Variants in CDC42SE2 observed in about 807,000 individuals in gnomAD.
The protein encoded by CDC42SE2 is CDC42 small effector protein 2.
In CDC42SE2, 3 loss-of-function variants were observed where a neutral mutation model predicts 11.5. That is an observed-to-expected ratio of 0.26 (90% CI 0.12 to 0.67). CDC42SE2 has a LOEUF of 0.67. CDC42SE2 is among the 30% of genes least tolerant of loss of function. The pLI, the probability that CDC42SE2 is intolerant of heterozygous loss-of-function variation, is 0.80. For synonymous variants in CDC42SE2, 33 were observed against 34.8 expected (o/e 0.95, Z 0.18); for missense variants, 82 against 106.8 (o/e 0.77, Z 1.02).
intron 2 of CDC42SE2, among the ~76,000 whole-genome samples, chr5:131,348,964 C>T (rs1271667879): frequency 6.6e-6 from 1 of 152,124 alleles, no homozygotes; most frequent in Non-Finnish European, 1.5e-5. Flanking sequence ...TGGATCCCTT[C>T]CCTACACCCT....
At chr5:131,283,320 G>A (rs998245089) in intron 1 of CDC42SE2, among the ~76,000 whole-genome samples, 2 of 152,034 alleles carry the variant, frequency 1.3e-5, no homozygotes, top group African/African-American at 4.8e-5. Context: ...AGTCATTTCT[G>A]TTCTTCCCTC....
chr5:131,349,857 ATAC>A (rs1299042976), intron 2 of CDC42SE2, among the ~76,000 whole-genome samples: 15 of 152,232 alleles, frequency 9.9e-5, no homozygotes, highest in Non-Finnish European at 1.6e-4. Flanking sequence ...AAAATTTAAT[ATAC>A]TATTATTCTA....
At chr5:131,295,343 C>T (rs997152316) in intron 1 of CDC42SE2, among the ~76,000 whole-genome samples, 4 of 151,784 alleles carry the variant, frequency 2.6e-5, no homozygotes, top group Non-Finnish European at 5.9e-5. Flanking sequence ...ATTACAGCAT[C>T]ATCGTGATAA....
chr5:131,363,915 G>A (rs1475620878), intron 3 of CDC42SE2, among the ~76,000 whole-genome samples: 2 of 151,662 alleles, frequency 1.3e-5, no homozygotes, highest in Admixed American at 6.6e-5. Context: ...GGCAGATGTC[G>A]AACTCCTGAC....
At chr5:131,328,956 G>A (rs1693209650) in intron 2 of CDC42SE2, among the ~76,000 whole-genome samples, 1 of 152,204 alleles carries the variant, frequency 6.6e-6, no homozygotes, top group Non-Finnish European at 1.5e-5. Context: ...CTGGAAAGAG[G>A]TTATCTCCTT....
chr5:131,322,854 C>T lies in CDC42SE2; in HGVS notation c.-286+6710C>T, dbSNP rs182698048. 8.1e-4 allele frequency among the ~76,000 whole-genome samples: 124 copies of T among 152,250 alleles called. 1 individual carries two copies. The highest frequency in any genetic ancestry group is 8.0e-3 in the Admixed American group (122 of 15,284). ...TTTCTGTTTTTAATATTTTGGGGAC[C>T]TGTCATAATGTGTTCTCTATAGCAG... On this transcript the variant is annotated intron_variant, in intron 2 of 4. Transcript: ENST00000505065.
intron 1 of CDC42SE2, among the ~76,000 whole-genome samples, chr5:131,266,609 G>A (rs1451049093): frequency 2.0e-5 from 3 of 151,738 alleles, no homozygotes; most frequent in Non-Finnish European, 4.4e-5. Context: ...ACAGACATGC[G>A]CCACTATGCC....
At chr5:131,255,696 G>T (rs1287576737) in intron 2 of CDC42SE2, 14 of 152,152 alleles carry the variant, frequency 9.2e-5, no homozygotes, top group South Asian at 2.1e-4. Context: ...GGAGGCAGAG[G>T]CTGCAGTGAG....
intron 2 of CDC42SE2, among the ~76,000 whole-genome samples, chr5:131,350,877 T>C (rs1449897020): frequency 6.6e-6 from 1 of 152,128 alleles, no homozygotes; most frequent in East Asian, 1.9e-4. Context: ...TGGCATTGGA[T>C]TGACAAATAG....
At chr5:131,268,968 C>G (rs1561566245) in intron 1 of CDC42SE2, among the ~76,000 whole-genome samples, 1 of 152,028 alleles carries the variant, frequency 6.6e-6, no homozygotes, top group Non-Finnish European at 1.5e-5. Flanking sequence ...CCAGGATGGT[C>G]TCGATCGCTT....
At chr5:131,320,434 C>A (rs553137946) in intron 2 of CDC42SE2, among the ~76,000 whole-genome samples, 5 of 146,254 alleles carry the variant, frequency 3.4e-5, no homozygotes, top group Non-Finnish European at 7.5e-5. Context: ...AGAATTAGTT[C>A]TTCTAGATAT....
intron 3 of CDC42SE2, among the ~76,000 whole-genome samples, chr5:131,369,387 G>GT (rs1350810000): frequency 6.6e-6 from 1 of 152,132 alleles, no homozygotes; most frequent in Non-Finnish European, 1.5e-5. Context: ...GTGCATTTGT[G>GT]TATGTGTAGC....
At chr5:131,286,187 G>A (rs906877777) in intron 1 of CDC42SE2, among the ~76,000 whole-genome samples, 9 of 150,668 alleles carry the variant, frequency 6.0e-5, no homozygotes, top group South Asian at 2.1e-4. Flanking sequence ...AGTCCTCCCC[G>A]GCTCAAGAGG....
the CDC42SE2 span, among the ~76,000 whole-genome samples, chr5:131,236,280 C>T: frequency 4.6e-5 from 7 of 152,012 alleles, no homozygotes; most frequent in Non-Finnish European, 8.8e-5. Context: ...TTAGAAGGGC[C>T]TTCATCACTT....
At chr5:131,348,877 C>G (rs963982177) in intron 2 of CDC42SE2, among the ~76,000 whole-genome samples, 9 of 152,104 alleles carry the variant, frequency 5.9e-5, no homozygotes, top group Non-Finnish European at 7.4e-5. Context: ...CTGACAAAAA[C>G]AAGAAATGGG....
chr5:131,221,171 G>C, the CDC42SE2 span, among the ~76,000 whole-genome samples: 3 of 152,048 alleles, frequency 2.0e-5, no homozygotes, highest in African/African-American at 7.2e-5. Context: ...CAGACGCCCA[G>C]CCTCACCAGA....
At chr5:131,321,148 A>C (rs1156673697) in intron 2 of CDC42SE2, among the ~76,000 whole-genome samples, 2 of 152,216 alleles carry the variant, frequency 1.3e-5, no homozygotes, top group African/African-American at 4.8e-5. Context: ...GCTCTTTAAT[A>C]CATCAGTTTC....
the CDC42SE2 span, among the ~76,000 whole-genome samples, chr5:131,210,645 T>G: frequency 0.017 from 2,588 of 152,354 alleles, 35 homozygotes; most frequent in Non-Finnish European, 0.027. Flanking sequence ...TTGCAAATCC[T>G]TTTGGCTAAT....
the CDC42SE2 span, among the ~76,000 whole-genome samples, chr5:131,234,803 T>C: frequency 6.6e-6 from 1 of 151,976 alleles, no homozygotes; most frequent in Non-Finnish European, 1.5e-5. Context: ...AGAAGATGGA[T>C]ATTCTAGTTT....
Sources: allele counts gnomAD v4.1 joint callset (sites outside exome capture counted in the v4.1 genomes callset), GRCh38; gene constraint gnomAD v4.1.1; transcripts MANE v1.5; gene names NCBI Gene and HGNC (gene_info 2026-07-23, HGNC 2026-07-21).